The following RALGPS1 variants were observed in gnomAD, a reference collection of about 807,000 sequenced individuals.
RALGPS1 encodes the protein Ral GEF with PH domain and SH3 binding motif 1, also known as ras-specific guanine nucleotide-releasing factor RalGPS1.
In RALGPS1, 19 loss-of-function variants were observed where a neutral mutation model predicts 78.8. The ratio of observed to expected loss-of-function variants is 0.24; its 90% confidence interval spans 0.17 to 0.35. The LOEUF is 0.35. Among genes scored for constraint, RALGPS1 ranks in the 10% least tolerant of loss-of-function variants. RALGPS1 has a pLI of 1.00. For synonymous variants in RALGPS1, 228 were observed against 256.3 expected (o/e 0.89, Z 1.06); for missense variants, 454 against 688.3 (o/e 0.66, Z 3.81).
At chr9:127,167,284 C>T (rs977003987) in intron 9 of RALGPS1, among the ~76,000 whole-genome samples, 2 of 152,204 alleles carry the variant, frequency 1.3e-5, no homozygotes, top group Admixed American at 6.5e-5. Flanking sequence ...GGGGTTCCCA[C>T]ACTTCAGGGC....
At chr9:126,916,298 T>G (rs545050939) in intron 1 of RALGPS1, among the ~76,000 whole-genome samples, 3 of 152,262 alleles carry the variant, frequency 2.0e-5, no homozygotes, top group Admixed American at 6.5e-5. Context: ...TCGTGACTGC[T>G]TCTCTCTGCG....
intron 5 of RALGPS1, among the ~76,000 whole-genome samples, chr9:127,039,431 G>A (rs561136235): frequency 7.2e-5 from 11 of 152,286 alleles, no homozygotes; most frequent in Non-Finnish European, 1.0e-4. Context: ...AATGAAGAGA[G>A]CAGGTGTAAG....
chr9:127,080,576 A>G (rs1168368286), intron 8 of RALGPS1, among the ~76,000 whole-genome samples: 1 of 152,164 alleles, frequency 6.6e-6, no homozygotes, highest in Non-Finnish European at 1.5e-5. Context: ...ACTATCATAG[A>G]TATTGTACAG....
intron 8 of RALGPS1, among the ~76,000 whole-genome samples, chr9:127,103,971 T>C (rs2053983402): frequency 6.6e-6 from 1 of 152,210 alleles, no homozygotes; most frequent in African/African-American, 2.4e-5. Flanking sequence ...TACCCTTGGC[T>C]AAGTTACTTG....
chr9:127,218,683 C>G lies in RALGPS1; in HGVS notation c.1645-57C>G. ...CTGTCCCTTCCCCTAGGGACCACCACCCCTTGTCCTTCTCTGAGGTCGGAA... is the reference window on the plus strand; with the variant it reads ...CTGTCCCTTCCCCTAGGGACCACCAGCCCTTGTCCTTCTCTGAGGTCGGAA... On this transcript the variant is annotated intron_variant, in intron 18 of 18. Transcript: ENST00000259351. This position sits in a 1 kb window ranked among gnomAD's most constrained non-coding sequence, Gnocchi z 4.4. 1.3e-6 allele frequency: 2 copies of G among 1,569,708 alleles called. No homozygotes were observed. Among genetic ancestry groups the G allele is most frequent in the Non-Finnish European group, 1.8e-6 (2 of 1,139,658 alleles).
intron 8 of RALGPS1, among the ~76,000 whole-genome samples, chr9:127,075,691 G>T (rs185748565): frequency 6.6e-6 from 1 of 152,354 alleles, no homozygotes; most frequent in Admixed American, 6.5e-5. Flanking sequence ...CTGTAGGTCA[G>T]TCCCTGATAC....
chr9:126,938,342 G>T (rs1207008034), intron 1 of RALGPS1, among the ~76,000 whole-genome samples: 4 of 152,150 alleles, frequency 2.6e-5, no homozygotes, highest in South Asian at 4.1e-4. Flanking sequence ...AGTTGAATAC[G>T]CTACACCTTT....
At chr9:126,970,250 G>A (rs953420806) in intron 3 of RALGPS1, among the ~76,000 whole-genome samples, 10 of 152,064 alleles carry the variant, frequency 6.6e-5, no homozygotes, top group East Asian at 3.9e-4. Context: ...AAATACAAGT[G>A]GTTGAATATA....
chr9:127,010,331 C>G (rs2044230253), intron 4 of RALGPS1, among the ~76,000 whole-genome samples: 1 of 152,184 alleles, frequency 6.6e-6, no homozygotes, highest in Non-Finnish European at 1.5e-5. Context: ...CTCCTGAGTC[C>G]TAGAGACTGA....
At chr9:127,179,319 G>A (rs1430474272) in intron 11 of RALGPS1, among the ~76,000 whole-genome samples, 2 of 152,224 alleles carry the variant, frequency 1.3e-5, no homozygotes, top group African/African-American at 4.8e-5. Context: ...AGTGGGTGCT[G>A]CTGCAGCTGT....
chr9:127,200,285 G>A (rs2061564626), intron 14 of RALGPS1, among the ~76,000 whole-genome samples: 1 of 152,242 alleles, frequency 6.6e-6, no homozygotes, highest in Non-Finnish European at 1.5e-5. Context: ...CTGCTGGTCA[G>A]TGCTCTTGGT....
At chr9:127,174,318 AAAAAG>A (rs1214060247) in intron 10 of RALGPS1, among the ~76,000 whole-genome samples, 7 of 151,742 alleles carry the variant, frequency 4.6e-5, no homozygotes, top group Admixed American at 3.9e-4. Context: ...AGAAAGAAAA[AAAAAG>A]AAAAGAAAGA....
intron 2 of RALGPS1, among the ~76,000 whole-genome samples, chr9:126,963,385 G>GTA (rs1236572679): frequency 6.6e-6 from 1 of 151,990 alleles, no homozygotes; most frequent in Non-Finnish European, 1.5e-5. Context: ...ATTTGAGTGT[G>GTA]TATATATATG....
intron 4 of RALGPS1, among the ~76,000 whole-genome samples, chr9:126,988,781 AGCAG>A (rs777825225): frequency 6.6e-5 from 10 of 152,178 alleles, no homozygotes; most frequent in Non-Finnish European, 1.0e-4. Flanking sequence ...GATGAGAGGA[AGCAG>A]GCTGTAGTTG....
intron 6 of RALGPS1, among the ~76,000 whole-genome samples, chr9:127,051,461 C>T (rs560841661): frequency 3.3e-5 from 5 of 152,166 alleles, no homozygotes; most frequent in African/African-American, 1.2e-4. Context: ...AGATAATTTC[C>T]AGAGCTGTGG....
rs187626596 is a variant in RALGPS1, at chr9:127,096,573, G to A, written c.610+27217G>A. 9.2e-5 allele frequency among the ~76,000 whole-genome samples: 14 copies of A among 152,354 alleles called. No homozygotes were observed. In the South Asian group the frequency reaches 1.2e-3, roughly 14 times the overall value. ...TGGCCTCGTGGCTCCAGCTGGGGCTGCCTTTGTGGGCGCCATGAATGATCT... is the reference window on the plus strand; with the variant it reads ...TGGCCTCGTGGCTCCAGCTGGGGCTACCTTTGTGGGCGCCATGAATGATCT... On this transcript the variant is annotated intron_variant, in intron 8 of 18. Coordinates refer to ENST00000259351, the MANE Select transcript of RALGPS1 (RefSeq NM_014636.3).
intron 4 of RALGPS1, among the ~76,000 whole-genome samples, chr9:127,012,246 T>C (rs1455614720): frequency 6.6e-6 from 1 of 152,202 alleles, no homozygotes; most frequent in Non-Finnish European, 1.5e-5. Flanking sequence ...ATCTCATGTT[T>C]GTTTTGTTTT....
intron 11 of RALGPS1, chr9:127,177,752 C>G (rs1350644310): frequency 7.0e-7 from 1 of 1,434,000 alleles, no homozygotes; most frequent in African/African-American, 1.4e-5. Context: ...GGAAAGGAGG[C>G]ACTGCATTTC....
chr9:127,070,454 A>G (rs1476800391), intron 8 of RALGPS1, among the ~76,000 whole-genome samples: 1 of 152,224 alleles, frequency 6.6e-6, no homozygotes, highest in African/African-American at 2.4e-5. Context: ...TTCAAAACGT[A>G]TGCAAAAACG....
Sources: gnomAD v4.1 joint callset for allele counts (sites outside exome capture counted in the v4.1 genomes callset) on GRCh38, gnomAD v4.1.1 for gene constraint, Gnocchi (gnomAD v3.1) non-coding constraint, MANE v1.5 for transcripts, NCBI Gene and HGNC (gene_info 2026-07-23, HGNC 2026-07-21) for gene names.